Variants in SGK1 observed in about 807,000 individuals in gnomAD.
SGK1 encodes the protein serum/glucocorticoid regulated kinase 1.
A neutral mutation model predicts 64.2 loss-of-function variants in SGK1; 26 were observed. That is an observed-to-expected ratio of 0.40 (90% CI 0.30 to 0.56). SGK1 has a LOEUF of 0.56. Ranked by LOEUF, SGK1 falls within the 20% of genes least tolerant of loss-of-function variation. The probability of loss-of-function intolerance (pLI) is 0.38; values close to 1 mark genes in which losing one functional copy is unlikely to be tolerated. For missense variants in SGK1, 519 were observed against 645.6 expected (o/e 0.80, Z 2.12); for synonymous variants, 265 against 239.7 (o/e 1.11, Z -0.98).
intron 1 of SGK1, among the ~76,000 whole-genome samples, chr6:134,281,746 G>A (rs1467668964): frequency 1.3e-5 from 2 of 151,924 alleles, no homozygotes; most frequent in East Asian, 1.9e-4. Context: ...CAAATTCGTG[G>A]TCTTAAATGA....
At chr6:134,303,392 A>T (rs1272550549) in intron 1 of SGK1, among the ~76,000 whole-genome samples, 1 of 151,642 alleles carries the variant, frequency 6.6e-6, no homozygotes, top group African/African-American at 2.4e-5. Flanking sequence ...ACTCTGTCTC[A>T]AAAAGAAAAA....
rs1347345189 is a variant in SGK1 at position 134,233,953 on chromosome 6, T to A, written c.286-26522A>T. ...GTTGTAGTTATAAATTTCTAGAAATTCATCTTTGAATTTAGAGAAATACAT... is the reference window on the plus strand; with the variant it reads ...GTTGTAGTTATAAATTTCTAGAAATACATCTTTGAATTTAGAGAAATACAT... On this transcript the variant is annotated intron_variant, in intron 2 of 13. Transcript: ENST00000367858. Among the ~76,000 whole-genome samples, 5 of 152,268 alleles carry A rather than the reference T, an allele frequency of 3.3e-5. No individual in the cohort carries two copies. In the East Asian group the frequency reaches 9.6e-4, roughly 29 times the overall value.
intron 13 of SGK1, 161 bp from the exon 14 acceptor site, chr6:134,170,596 TAAG>T (rs1178671571): frequency 1.1e-5 from 8 of 714,810 alleles, no homozygotes; most frequent in Non-Finnish European, 1.9e-5. Flanking sequence ...CAGTTAAACA[TAAG>T]AATAATGTTC....
intron 1 of SGK1, among the ~76,000 whole-genome samples, chr6:134,281,812 T>C (rs1216139710): frequency 6.6e-6 from 1 of 152,158 alleles, no homozygotes; most frequent in Non-Finnish European, 1.5e-5. Flanking sequence ...GGTCCAATTC[T>C]GATATGCTAT....
intron 2 of SGK1, chr6:134,260,445 G>A (rs1272710251): frequency 6.9e-6 from 1 of 145,602 alleles, no homozygotes; most frequent in Non-Finnish European, 1.5e-5. Flanking sequence ...GCCGACGCAG[G>A]TGGATTACCT....
At chr6:134,206,031 C>T (rs917686081) in intron 3 of SGK1, among the ~76,000 whole-genome samples, 1 of 152,026 alleles carries the variant, frequency 6.6e-6, no homozygotes. Context: ...TACTCTTTGT[C>T]TAAGCGTAAT....
At chr6:134,293,575 T>C (rs1304759585) in intron 1 of SGK1, among the ~76,000 whole-genome samples, 2 of 152,234 alleles carry the variant, frequency 1.3e-5, no homozygotes, top group Admixed American at 1.3e-4. Flanking sequence ...TCTACTTAAA[T>C]GTCAAAAAGA....
intron 2 of SGK1, among the ~76,000 whole-genome samples, chr6:134,208,502 C>T (rs1460282704): frequency 6.6e-6 from 1 of 151,746 alleles, no homozygotes; most frequent in Non-Finnish European, 1.5e-5. Flanking sequence ...ACACTGTACC[C>T]AGTGTGTAGT....
chr6:134,297,458 C>T (rs989233945), intron 1 of SGK1: 7 of 652,502 alleles, frequency 1.1e-5, no homozygotes, highest in Non-Finnish European at 1.7e-5. Context: ...CTTTGAGACC[C>T]TCAGTCTCAG....
chr6:134,184,064 C>G (rs1393801958), intron 3 of SGK1, among the ~76,000 whole-genome samples: 1 of 152,096 alleles, frequency 6.6e-6, no homozygotes, highest in Non-Finnish European at 1.5e-5. Flanking sequence ...GTTTGTACCA[C>G]TGTGGTGCTC....
intron 2 of SGK1, among the ~76,000 whole-genome samples, chr6:134,236,228 C>T (rs1582733558): frequency 1.3e-5 from 2 of 152,298 alleles, no homozygotes; most frequent in South Asian, 4.1e-4. Flanking sequence ...CACAAATTTA[C>T]ATATGACTCA....
rs537209950 is a variant in SGK1, at chr6:134,313,439, G to A, written c.69+3953C>T. Among the ~76,000 whole-genome samples, 215 of 152,188 alleles carry A rather than the reference G, an allele frequency of 1.4e-3. 1 individual carries two copies. Among genetic ancestry groups the A allele is most frequent in the Middle Eastern group, 0.01 (3 of 294 alleles). ...TGTCAAAGTTGGTAGTCACTATGCC[G>A]TTAGTTTCATGAAGATAAAACATGG... On this transcript the variant is annotated intron_variant, in intron 1 of 13. Coordinates refer to ENST00000367858, the MANE Select transcript of SGK1 (RefSeq NM_001143676.3).
At chr6:134,307,078 G>GA (rs201473837) in intron 1 of SGK1, among the ~76,000 whole-genome samples, 9 of 151,310 alleles carry the variant, frequency 5.9e-5, no homozygotes, top group East Asian at 3.9e-4. Flanking sequence ...GGTACTAGAT[G>GA]AAAAAAAAAT....
intron 3 of SGK1, 145 bp from the exon 4 acceptor site, chr6:134,174,731 C>A: frequency 6.2e-7 from 1 of 1,614,136 alleles, no homozygotes; most frequent in Non-Finnish European, 8.5e-7. Context: ...CCTGCACTCA[C>A]CGATGAGAAT....
chr6:134,231,677 C>T (rs1288291833), intron 2 of SGK1, among the ~76,000 whole-genome samples: 3 of 152,168 alleles, frequency 2.0e-5, no homozygotes, highest in African/African-American at 7.2e-5. Context: ...AACACTGGTA[C>T]TTAATGCAGA....
intron 2 of SGK1, among the ~76,000 whole-genome samples, chr6:134,238,114 C>T (rs1302015519): frequency 1.3e-5 from 2 of 152,122 alleles, no homozygotes; most frequent in Non-Finnish European, 2.9e-5. Flanking sequence ...AGATTGACTT[C>T]CAGCTGGAAA....
intron 3 of SGK1, among the ~76,000 whole-genome samples, chr6:134,182,245 T>C (rs532453530): frequency 6.0e-4 from 91 of 152,012 alleles, no homozygotes; most frequent in African/African-American, 2.1e-3. Context: ...CTCATATAAG[T>C]TGTGAAAAAT....
rs147301941 is a variant in SGK1 at position 134,258,464 on chromosome 6, G to C, written c.285+3469C>G. Among the ~76,000 whole-genome samples, 1,124 of 152,208 alleles carry C rather than the reference G, an allele frequency of 7.4e-3. 14 individuals carry two copies. The highest frequency in any genetic ancestry group is 0.025 in the African/African-American group (1,056 of 41,518). On this transcript the variant is annotated intron_variant, in intron 2 of 13. Transcript: ENST00000367858. ...TCACACCTGTAATGCCAGCACTTTGGGAGGCCGAGGCAGGCGAATCACCTG... is the reference window on the plus strand; with the variant it reads ...TCACACCTGTAATGCCAGCACTTTGCGAGGCCGAGGCAGGCGAATCACCTG...
chr6:134,281,728 G>A (rs1329213976), intron 1 of SGK1, among the ~76,000 whole-genome samples: 1 of 151,808 alleles, frequency 6.6e-6, no homozygotes, highest in Non-Finnish European at 1.5e-5. Context: ...TGTTGCCCAG[G>A]GTGGTTTCAA....
Sources: gnomAD v4.1 joint callset for allele counts (sites outside exome capture counted in the v4.1 genomes callset) on GRCh38, gnomAD v4.1.1 for gene constraint, MANE v1.5 for transcripts, NCBI Gene and HGNC (gene_info 2026-07-23, HGNC 2026-07-21) for gene names.